Variants in SLC16A12 observed in about 807,000 individuals in gnomAD.
SLC16A12 encodes solute carrier family 16 member 12, also known as monocarboxylate transporter 12.
A neutral mutation model predicts 42.4 loss-of-function variants in SLC16A12; 17 were observed. That is an observed-to-expected ratio of 0.40 (90% CI 0.27 to 0.60). SLC16A12 has a LOEUF of 0.60. SLC16A12 is among the 20% of genes least tolerant of loss of function. The probability of loss-of-function intolerance (pLI) is 0.42; values close to 1 mark genes in which losing one functional copy is unlikely to be tolerated. For missense variants in SLC16A12, 544 were observed against 623.0 expected (o/e 0.87, Z 1.35); for synonymous variants, 224 against 229.4 (o/e 0.98, Z 0.21).
intron 3 of SLC16A12, among the ~76,000 whole-genome samples, chr10:89,451,093 G>A (rs538689106): frequency 5.9e-5 from 9 of 152,326 alleles, no homozygotes; most frequent in African/African-American, 1.2e-4. Flanking sequence ...TTTATAGCCC[G>A]GTGATAACAG....
intron 2 of SLC16A12, among the ~76,000 whole-genome samples, chr10:89,534,299 T>C (rs1843610148): frequency 1.3e-5 from 2 of 152,128 alleles, no homozygotes; most frequent in African/African-American, 4.8e-5. Context: ...CAAGGGCAGC[T>C]AGCTGATGAT....
chr10:89,554,103 G>GAAGGAAGGAAGGAAGGAAGGAAGGAAA (rs1843792216), intron 2 of SLC16A12, among the ~76,000 whole-genome samples: 3 of 103,142 alleles, frequency 2.9e-5, no homozygotes, highest in Admixed American at 2.8e-4. Flanking sequence ...AAAGAAAGAA[G>GAAGGAAGGAAGGAAGGAAGGAAGGAAA]GAAGGAAGGA....
chr10:89,451,991 C>T (rs896779748), intron 3 of SLC16A12, among the ~76,000 whole-genome samples: 1 of 152,130 alleles, frequency 6.6e-6, no homozygotes, highest in African/African-American at 2.4e-5. Context: ...TCCTTTTGAA[C>T]CAAAACCTGC....
chr10:89,550,611 ATCTAAAC>A (rs777738706), intron 2 of SLC16A12, among the ~76,000 whole-genome samples: 54 of 152,124 alleles, frequency 3.5e-4, no homozygotes, highest in Admixed American at 1.6e-3. Context: ...CTAAAACAAA[ATCTAAAC>A]TCCTCTGACC....
intron 2 of SLC16A12, among the ~76,000 whole-genome samples, chr10:89,528,413 A>G (rs763499654): frequency 2.6e-4 from 39 of 152,198 alleles, no homozygotes; most frequent in Admixed American, 5.2e-4. Context: ...TACCACAATC[A>G]TCAAAAACTT....
intron 2 of SLC16A12, among the ~76,000 whole-genome samples, chr10:89,485,242 T>C (rs1368954454): frequency 6.6e-6 from 1 of 152,218 alleles, no homozygotes; most frequent in Non-Finnish European, 1.5e-5. Context: ...CCAGGGATGC[T>C]GCTGAACATT....
upstream of SLC16A12, among the ~76,000 whole-genome samples, chr10:89,539,758 A>G (rs1425339194): frequency 1.3e-5 from 2 of 152,224 alleles, no homozygotes; most frequent in African/African-American, 4.8e-5. Flanking sequence ...CAAACAGCAT[A>G]AATAAGATGC....
At chr10:89,477,870 G>A (rs1013093082) in intron 2 of SLC16A12, among the ~76,000 whole-genome samples, 1 of 33,274 alleles carries the variant, frequency 3.0e-5, no homozygotes, top group East Asian at 7.4e-4. Context: ...CCCTGCCCCC[G>A]CCCCCACCCC....
At chr10:89,462,333 G>T (rs1564576912) in intron 3 of SLC16A12, 46 bp downstream of exon 3, 1 of 1,612,814 alleles carries the variant, frequency 6.2e-7, no homozygotes. Context: ...TAAAAGAAAA[G>T]ACAGGCCAGG....
chr10:89,464,878 T>C (rs1362206364), intron 2 of SLC16A12, among the ~76,000 whole-genome samples: 3 of 152,194 alleles, frequency 2.0e-5, no homozygotes, highest in African/African-American at 7.2e-5. Flanking sequence ...TCCTGTGACT[T>C]TGGGGAGACT....
chr10:89,433,923 G>A (rs1841735491), intron 7 of SLC16A12, among the ~76,000 whole-genome samples: 2 of 151,980 alleles, frequency 1.3e-5, no homozygotes, highest in African/African-American at 4.8e-5. Flanking sequence ...AAATTTTGAG[G>A]AAAACCGGGC....
chr10:89,529,460 G>A (rs1408628806), intron 2 of SLC16A12, among the ~76,000 whole-genome samples: 1 of 151,642 alleles, frequency 6.6e-6, no homozygotes, highest in Admixed American at 6.6e-5. Flanking sequence ...ATGAACCACC[G>A]AGCCAGAAGA....
intron 5 of SLC16A12, 36 bp downstream of exon 5, chr10:89,441,072 G>A: frequency 6.2e-7 from 1 of 1,611,774 alleles, no homozygotes; most frequent in Non-Finnish European, 8.5e-7. Context: ...CCCCTGAATG[G>A]AGTGGGGTGA....
chr10:89,437,036 T>C (rs1328607475), intron 6 of SLC16A12, among the ~76,000 whole-genome samples: 1 of 152,214 alleles, frequency 6.6e-6, no homozygotes, highest in African/African-American at 2.4e-5. Flanking sequence ...AAGCTTGATG[T>C]AAAGGATCAG....
At chr10:89,486,685 GAAAGA>G (rs1166911859) in intron 2 of SLC16A12, among the ~76,000 whole-genome samples, 1 of 112,460 alleles carries the variant, frequency 8.9e-6, no homozygotes, top group South Asian at 2.7e-4. Flanking sequence ...AGAAAGAAAA[GAAAGA>G]AAAGAAAAGA....
chr10:89,514,257 A>G (rs1843210325), intron 2 of SLC16A12, among the ~76,000 whole-genome samples: 1 of 152,220 alleles, frequency 6.6e-6, no homozygotes, highest in African/African-American at 2.4e-5. Flanking sequence ...GGTTGCAAGG[A>G]AATTGAGAAA....
At chr10:89,453,614 A>C (rs184312514) in intron 3 of SLC16A12, among the ~76,000 whole-genome samples, 2 of 152,360 alleles carry the variant, frequency 1.3e-5, no homozygotes, top group Non-Finnish European at 2.9e-5. Flanking sequence ...GTTATACGAC[A>C]TAGCCTAGGT....
At chr10:89,435,988 A>C in intron 7 of SLC16A12, 72 bp downstream of exon 7, 1 of 1,597,518 alleles carries the variant, frequency 6.3e-7, no homozygotes, top group Non-Finnish European at 8.5e-7. Flanking sequence ...CATTGACTGC[A>C]TGTGGGTTTG....
At chr10:89,445,474 G>A (rs1331376254) in intron 3 of SLC16A12, among the ~76,000 whole-genome samples, 1 of 152,210 alleles carries the variant, frequency 6.6e-6, no homozygotes, top group African/African-American at 2.4e-5. Context: ...GTCTGGAGTG[G>A]ACCTCCAGCA....
Sources: gnomAD v4.1 joint callset for allele counts (sites outside exome capture counted in the v4.1 genomes callset) on GRCh38, gnomAD v4.1.1 for gene constraint, MANE v1.5 for transcripts, NCBI Gene and HGNC (gene_info 2026-07-23, HGNC 2026-07-21) for gene names.